The following SDK1 variants were observed in gnomAD, a reference collection of about 807,000 sequenced individuals.
The protein encoded by SDK1 is protein sidekick-1.
In SDK1, 157 loss-of-function variants were observed where a neutral mutation model predicts 245.5. That is an observed-to-expected ratio of 0.64 (90% CI 0.56 to 0.73). SDK1 has a LOEUF of 0.73. SDK1 is among the 30% of genes least tolerant of loss of function. SDK1 has a pLI of 0.00. For missense variants in SDK1, 3,583 were observed against 3,002.3 expected, an observed-to-expected ratio of 1.19 and a Z score of -4.52; for synonymous variants, 1,647 against 1,278.5, an observed-to-expected ratio of 1.29 and a Z score of -6.15.
intron 1 of SDK1, among the ~76,000 whole-genome samples, chr7:3,500,543 A>G (rs1782164460): frequency 6.6e-6 from 1 of 151,842 alleles, no homozygotes; most frequent in Non-Finnish European, 1.5e-5. Context: ...TTCTTATGTG[A>G]TCTTGCTGTT....
At chr7:3,859,628 T>C (rs1232563131) in intron 5 of SDK1, among the ~76,000 whole-genome samples, 1 of 152,120 alleles carries the variant, frequency 6.6e-6, no homozygotes, top group Non-Finnish European at 1.5e-5. Flanking sequence ...ACAAAGAAAG[T>C]CACCCCATAA....
At chr7:3,432,999 G>A (rs890085720) in intron 1 of SDK1, among the ~76,000 whole-genome samples, 1 of 152,164 alleles carries the variant, frequency 6.6e-6, no homozygotes. Flanking sequence ...TTATATTGGT[G>A]TTGAGGTTTC....
intron 1 of SDK1, among the ~76,000 whole-genome samples, chr7:3,403,033 C>G (rs1778932840): frequency 6.6e-6 from 1 of 152,114 alleles, no homozygotes; most frequent in Non-Finnish European, 1.5e-5. Flanking sequence ...CTCCCGGGTT[C>G]AAGTGATTCT....
chr7:4,049,464 G>A lies in SDK1; in HGVS notation c.2718+1G>A. 6.2e-7 allele frequency: 1 copy of A among 1,610,750 alleles called. No homozygotes were observed. The highest frequency in any genetic ancestry group is 8.5e-7 in the Non-Finnish European group (1 of 1,176,950). Reference sequence around the variant, plus strand: ...CAATGGCATCAACCAGGGATACAAGGTACGTGGCCTGGGTTCAGGGCCTGT... The same window carrying A: ...CAATGGCATCAACCAGGGATACAAGATACGTGGCCTGGGTTCAGGGCCTGT... On this transcript the variant is annotated splice_donor_variant, in intron 18 of 44. Transcript: ENST00000404826. LOFTEE classifies it high-confidence loss of function.
At chr7:3,687,685 G>T (rs2114991803) in intron 4 of SDK1, among the ~76,000 whole-genome samples, 1 of 152,262 alleles carries the variant, frequency 6.6e-6, no homozygotes, top group African/African-American at 2.4e-5. Context: ...TATCAGAGTG[G>T]AGAACAGACT....
chr7:3,666,082 A>C (rs1350167233), intron 4 of SDK1, among the ~76,000 whole-genome samples: 1 of 152,124 alleles, frequency 6.6e-6, no homozygotes, highest in Non-Finnish European at 1.5e-5. Context: ...GCTGATCTCC[A>C]AGTATCCAGC....
rs1028783876 is a variant in SDK1, at chr7:3,338,347, TAAAC to T, written c.298+36470_298+36473del. On this transcript the variant is annotated intron_variant, in intron 1 of 44. Transcript: ENST00000404826. ...GTTACTCAGCATGCTGTTGGCATTGTAAACAAACAAGGTCAGGGCACGACTCTTG... is the reference window on the plus strand; with the variant it reads ...GTTACTCAGCATGCTGTTGGCATTGTAAACAAGGTCAGGGCACGACTCTTG... 41 of 510,190 alleles carry T rather than the reference TAAAC, an allele frequency of 8.0e-5. 1 individual carries two copies. Among genetic ancestry groups the T allele is most frequent in the South Asian group, 5.1e-4 (27 of 53,354 alleles). The allele number at this position is 510,190 out of a possible 1,614,324, so 31.6% of individuals were successfully genotyped here.
rs1217036689 is a variant in SDK1, at chr7:4,113,381, C to T, written c.3527C>T (p.Ala1176Val). The change falls in exon 24 of 45, where the codon GCT becomes GTT. Residue 1176 changes from alanine to valine, a missense_variant. By Grantham distance (64) the Ala-to-Val change is moderately conservative. Coordinates refer to ENST00000404826, the MANE Select transcript of SDK1 (RefSeq NM_152744.4). Reference sequence around the variant, plus strand: ...ACCCTGCAGGCCCCACCCGACGTGGCTCCAACCAGCGTCACGGTCCGTACT... The same window carrying T: ...ACCCTGCAGGCCCCACCCGACGTGGTTCCAACCAGCGTCACGGTCCGTACT... Reference protein sequence around the residue: ...IQTLQAPPDVAPTSVTVRTAS... With the variant: ...IQTLQAPPDVVPTSVTVRTAS... 6.2e-7 allele frequency: 1 copy of T among 1,613,856 alleles called. No homozygotes were observed. Among genetic ancestry groups the T allele is most frequent in the Non-Finnish European group, 8.5e-7 (1 of 1,180,056 alleles).
At chr7:4,255,697 T>G (rs1787577823) in intron 44 of SDK1, among the ~76,000 whole-genome samples, 2 of 152,122 alleles carry the variant, frequency 1.3e-5, no homozygotes, top group Admixed American at 6.5e-5. Flanking sequence ...GCCAGAACTT[T>G]CCTCTCCAAG....
At chr7:3,867,136 T>C (rs1780841438) in intron 5 of SDK1, among the ~76,000 whole-genome samples, 1 of 152,094 alleles carries the variant, frequency 6.6e-6, no homozygotes, top group African/African-American at 2.4e-5. Context: ...TAAGCTTCAA[T>C]CAAACACAGA....
intron 2 of SDK1, among the ~76,000 whole-genome samples, chr7:3,619,549 A>C (rs1781870436): frequency 6.6e-6 from 1 of 152,218 alleles, no homozygotes; most frequent in Non-Finnish European, 1.5e-5. Context: ...TTACTTTCCA[A>C]GGGCAACAGC....
chr7:3,492,444 A>G (rs1233373921), intron 1 of SDK1, among the ~76,000 whole-genome samples: 3 of 152,250 alleles, frequency 2.0e-5, no homozygotes, highest in Non-Finnish European at 4.4e-5. Context: ...CGGTGAGCCG[A>G]GATCACGCCA....
intron 1 of SDK1, among the ~76,000 whole-genome samples, chr7:3,526,628 C>G (rs1783143470): frequency 6.6e-6 from 1 of 152,124 alleles, no homozygotes; most frequent in Non-Finnish European, 1.5e-5. Flanking sequence ...TGGTTACTTT[C>G]ATTTCTCTTT....
chr7:3,475,049 A>G (rs1781310755), intron 1 of SDK1, among the ~76,000 whole-genome samples: 2 of 152,154 alleles, frequency 1.3e-5, no homozygotes, highest in Non-Finnish European at 1.5e-5. Context: ...TCTCCCGTCC[A>G]TTTTCCACAT....
At chr7:3,565,273 T>C (rs550100838) in intron 1 of SDK1, among the ~76,000 whole-genome samples, 1 of 152,250 alleles carries the variant, frequency 6.6e-6, no homozygotes, top group South Asian at 2.1e-4. Flanking sequence ...CTAAATTGCA[T>C]CCAGAACCTT....
intron 38 of SDK1, among the ~76,000 whole-genome samples, chr7:4,212,582 C>G (rs1392631951): frequency 1.3e-5 from 2 of 152,192 alleles, no homozygotes; most frequent in Non-Finnish European, 2.9e-5. Context: ...TCCGAGTGCC[C>G]AGCACCTGCC....
intron 5 of SDK1, among the ~76,000 whole-genome samples, chr7:3,829,043 A>T (rs1394104432): frequency 6.6e-6 from 1 of 152,174 alleles, no homozygotes; most frequent in Non-Finnish European, 1.5e-5. Flanking sequence ...TAAATGGGTG[A>T]TGCTGTGTAT....
chr7:4,097,537 G>A (rs1014509559), intron 22 of SDK1, among the ~76,000 whole-genome samples: 2 of 152,172 alleles, frequency 1.3e-5, no homozygotes, highest in Admixed American at 6.5e-5. Flanking sequence ...ATATTGGGCC[G>A]CCCAAGGCCC....
chr7:3,987,907 G>C (rs141503969), intron 14 of SDK1, among the ~76,000 whole-genome samples: 1 of 152,098 alleles, frequency 6.6e-6, no homozygotes, highest in African/African-American at 2.4e-5. Flanking sequence ...GTGCCCCGCC[G>C]TGTGCACCCA....
Sources: gnomAD v4.1 joint callset for allele counts (sites outside exome capture counted in the v4.1 genomes callset) on GRCh38, gnomAD v4.1.1 for gene constraint, MANE v1.5 for transcripts, NCBI Gene and HGNC (gene_info 2026-07-23, HGNC 2026-07-21) for gene names.